The following SPIDR variants were observed in gnomAD, a reference collection of about 807,000 sequenced individuals.
The protein encoded by SPIDR is scaffold protein involved in DNA repair.
A neutral mutation model predicts 104.6 loss-of-function variants in SPIDR; 93 were observed. That is an observed-to-expected ratio of 0.89 (90% confidence interval 0.75 to 1.06). SPIDR has a LOEUF of 1.06. Among genes scored for constraint, SPIDR ranks in the 50% least tolerant of loss-of-function variants. The probability of loss-of-function intolerance (pLI) is 0.00; values close to 1 mark genes in which losing one functional copy is unlikely to be tolerated. For synonymous variants in SPIDR, 431 were observed against 416.9 expected (o/e 1.03, Z -0.41); for missense variants, 1,154 against 1,111.2 (o/e 1.04, Z -0.55).
At chr8:47,697,981 CTTG>C (rs1193011964) in intron 11 of SPIDR, 5 of 152,276 alleles carry the variant, frequency 3.3e-5, no homozygotes, top group South Asian at 4.1e-4. Flanking sequence ...GCTCCACAAA[CTTG>C]TTGTCACAGA....
chr8:47,297,388 A>C (rs942303671), intron 5 of SPIDR, among the ~76,000 whole-genome samples: 1 of 152,244 alleles, frequency 6.6e-6, no homozygotes, highest in South Asian at 2.1e-4. Context: ...TATTCCTTCT[A>C]TACATAATGT....
intron 5 of SPIDR, among the ~76,000 whole-genome samples, chr8:47,296,824 C>G (rs1305800607): frequency 6.6e-5 from 10 of 152,138 alleles, no homozygotes; most frequent in Non-Finnish European, 1.3e-4. Context: ...CTGAATATCA[C>G]TTTGGGAAGT....
intron 16 of SPIDR, among the ~76,000 whole-genome samples, chr8:47,719,550 G>A (rs189631361): frequency 6.6e-6 from 1 of 152,232 alleles, no homozygotes; most frequent in Non-Finnish European, 1.5e-5. Flanking sequence ...AGTTGTGTCT[G>A]GCCAGTCTGA....
intron 4 of SPIDR, 45 bp downstream of exon 4, chr8:47,291,182 AT>A: frequency 1.5e-6 from 2 of 1,345,758 alleles, no homozygotes. Flanking sequence ...TAACAGGAAC[AT>A]ATTGTGTCCA....
At chr8:47,373,482 G>A (rs1472868356) in intron 5 of SPIDR, among the ~76,000 whole-genome samples, 1 of 151,850 alleles carries the variant, frequency 6.6e-6, no homozygotes, top group African/African-American at 2.4e-5. Context: ...GTTTAGGTGG[G>A]ATTTTTTTTC....
chr8:47,522,118 C>G (rs1023237634), intron 8 of SPIDR, among the ~76,000 whole-genome samples: 1 of 149,866 alleles, frequency 6.7e-6, no homozygotes, highest in African/African-American at 2.5e-5. Context: ...GAGCCGAGAT[C>G]GTGCCACTGT....
chr8:47,455,506 G>A (rs986678071), intron 8 of SPIDR, among the ~76,000 whole-genome samples: 1 of 151,898 alleles, frequency 6.6e-6, no homozygotes, highest in African/African-American at 2.4e-5. Flanking sequence ...TAAGGCATAA[G>A]GAAAAAGTGA....
chr8:47,311,706 T>A (rs1008767570), intron 5 of SPIDR, among the ~76,000 whole-genome samples: 17 of 151,758 alleles, frequency 1.1e-4, no homozygotes, highest in African/African-American at 2.7e-4. Flanking sequence ...GAATGGTAGC[T>A]GACTTCTTTT....
In SPIDR at chr8:47,385,637, C is replaced by T. The variant is rs138182105; in HGVS notation, c.526-10739C>T. On this transcript the variant is annotated intron_variant, in intron 5 of 19. Transcript: ENST00000297423. ...GCCTGTGGTTCCCAGGGAGACTGAT[C>T]ATCTTGTATTGGTAGTTTGTATCAC... is the stretch of plus-strand genomic sequence containing the variant. Among the ~76,000 whole-genome samples the T allele has an allele frequency of 2.1e-3, 324 of 152,308 alleles. 2 individuals are homozygous for T. The highest frequency in any genetic ancestry group is 7.5e-3 in the African/African-American group (311 of 41,574).
intron 8 of SPIDR, among the ~76,000 whole-genome samples, chr8:47,519,063 G>A (rs1664364491): frequency 6.6e-6 from 1 of 152,208 alleles, no homozygotes; most frequent in Non-Finnish European, 1.5e-5. Context: ...ATTTAATAAT[G>A]CCAAGTACAT....
chr8:47,638,506 T>C (rs2068321909), intron 10 of SPIDR, among the ~76,000 whole-genome samples: 1 of 152,196 alleles, frequency 6.6e-6, no homozygotes, highest in East Asian at 1.9e-4. Context: ...ATAGAGGCTT[T>C]AGAAGTATGA....
chr8:47,666,358 TCTATTCCTTATTG>T (rs2074934401), intron 10 of SPIDR, among the ~76,000 whole-genome samples: 1 of 152,214 alleles, frequency 6.6e-6, no homozygotes, highest in African/African-American at 2.4e-5. Context: ...AGACTGATGA[TCTATTCCTTATTG>T]CTGACTACAG....
intron 10 of SPIDR, chr8:47,654,104 G>C (rs1310130752): frequency 7.8e-7 from 1 of 1,289,720 alleles, no homozygotes; most frequent in East Asian, 5.5e-5. Flanking sequence ...TGTGTACCAA[G>C]AGGCATGCAG....
intron 7 of SPIDR, among the ~76,000 whole-genome samples, chr8:47,420,135 T>C (rs1197166587): frequency 6.6e-6 from 1 of 152,204 alleles, no homozygotes; most frequent in Non-Finnish European, 1.5e-5. Flanking sequence ...TTAGGTCCAC[T>C]TGGTGCAGAG....
Position 47,713,592 on chromosome 8 carries a change from C to T in SPIDR, c.2292C>T (p.Leu764=), listed in dbSNP as rs759941925. ...GTGAGCTGCCTGGCCCGGTGATGCT[C>T]GACAGCCTGGACTCTGCAACACCTG... ...SSCELPGPVM[L]DSLDSATPVN... is the part of the protein sequence containing the mutation. Residue 764 remains leucine (L), a synonymous_variant, in exon 16 of 20, where the codon CTC becomes CTT. Coordinates refer to ENST00000297423, the MANE Select transcript of SPIDR (RefSeq NM_001080394.4). 15 of 1,614,038 alleles carry T rather than the reference C, an allele frequency of 9.3e-6. No individual in the cohort carries two copies. Among genetic ancestry groups the T allele is most frequent in the South Asian group, 4.4e-5 (4 of 91,092 alleles).
chr8:47,395,703 C>A (rs2061174328), intron 5 of SPIDR, among the ~76,000 whole-genome samples: 2 of 151,770 alleles, frequency 1.3e-5, no homozygotes, highest in Admixed American at 6.6e-5. Flanking sequence ...GATATGAATT[C>A]TTGTTTTATA....
chr8:47,390,880 G>A (rs1308116949), intron 5 of SPIDR, among the ~76,000 whole-genome samples: 1 of 152,076 alleles, frequency 6.6e-6, no homozygotes, highest in Non-Finnish European at 1.5e-5. Flanking sequence ...CTCCTTTCTC[G>A]TTAGTCTGAT....
At chr8:47,463,482 C>T (rs1373390392) in intron 8 of SPIDR, among the ~76,000 whole-genome samples, 1 of 152,036 alleles carries the variant, frequency 6.6e-6, no homozygotes. Context: ...TCAAATTCCT[C>T]CCAAAAATTG....
intron 7 of SPIDR, among the ~76,000 whole-genome samples, chr8:47,426,407 CT>C (rs11348442): frequency 0.75 from 112,703 of 149,360 alleles, 42,522 homozygotes; most frequent in Admixed American, 0.83. Context: ...TTTGGCTTAT[CT>C]TTTTTTTTTT....
Sources: gnomAD v4.1 joint callset for allele counts (sites outside exome capture counted in the v4.1 genomes callset) on GRCh38, gnomAD v4.1.1 for gene constraint, MANE v1.5 for transcripts, NCBI Gene and HGNC (gene_info 2026-07-23, HGNC 2026-07-21) for gene names.